EHMT1: variants seen among roughly 807,000 people sequenced by gnomAD.
EHMT1 encodes the protein euchromatic histone lysine methyltransferase 1.
In EHMT1, 15 loss-of-function variants were observed where a neutral mutation model predicts 147.2. The ratio of observed to expected loss-of-function variants is 0.10; its 90% CI spans 0.07 to 0.16. The LOEUF (loss-of-function observed/expected upper bound fraction) is 0.16, where lower values mean the gene tolerates loss of function less well. Ranked by LOEUF, EHMT1 falls within the 10% of genes least tolerant of loss-of-function variation. The pLI is 1.00. For missense variants in EHMT1, 1,587 were observed against 1,772.4 expected (o/e 0.90, Z 1.88); for synonymous variants, 795 against 709.6 (o/e 1.12, Z -1.91).
chr9:137,721,188 C>A (rs1945943429), intron 3 of EHMT1, among the ~76,000 whole-genome samples: 1 of 142,802 alleles, frequency 7.0e-6, no homozygotes, highest in Non-Finnish European at 1.5e-5. Flanking sequence ...CCCTCCCAGA[C>A]TTCTCACACT....
At chr9:137,723,428 G>A (rs1946279888) in intron 3 of EHMT1, among the ~76,000 whole-genome samples, 2 of 139,972 alleles carry the variant, frequency 1.4e-5, no homozygotes, top group African/African-American at 2.7e-5. Flanking sequence ...GTGGTTCTGG[G>A]CCTGAGCCCG....
intron 1 of EHMT1, among the ~76,000 whole-genome samples, chr9:137,701,509 A>G (rs1394922530): frequency 1.3e-5 from 2 of 151,738 alleles, no homozygotes; most frequent in Non-Finnish European, 2.9e-5. Flanking sequence ...CCCAGGCTGG[A>G]GTGCAATGGT....
At chr9:137,800,640 GC>G (rs1953397884) in intron 17 of EHMT1, 2 of 568,642 alleles carry the variant, frequency 3.5e-6, no homozygotes, top group Non-Finnish European at 3.2e-6. Context: ...GGCATGTCGG[GC>G]AGGGTTGTTG....
intron 6 of EHMT1, chr9:137,745,852 G>A (rs888552218): frequency 2.9e-5 from 8 of 275,450 alleles, no homozygotes; most frequent in Non-Finnish European, 5.4e-5. Flanking sequence ...GACCTGAGGG[G>A]TGTGGTTTCC....
chr9:137,698,186 T>TG (rs201361777), intron 1 of EHMT1, among the ~76,000 whole-genome samples: 1,542 of 152,362 alleles, frequency 0.01, 24 homozygotes, highest in South Asian at 0.05. Flanking sequence ...ACTGGTTTGT[T>TG]GACAAAACGT....
intron 22 of EHMT1, chr9:137,815,641 C>T (rs62590782): frequency 4.0e-4 from 171 of 428,530 alleles, no homozygotes; most frequent in Non-Finnish European, 6.5e-4. Context: ...CTGGCAGCCT[C>T]GGTGAGGCTG....
At chr9:137,705,256 ATGC>A in intron 1 of EHMT1, among the ~76,000 whole-genome samples, 1 of 152,102 alleles carries the variant, frequency 6.6e-6, no homozygotes, top group East Asian at 1.9e-4. Flanking sequence ...ACCTCTCAAA[ATGC>A]TGGGATCACA....
intron 1 of EHMT1, among the ~76,000 whole-genome samples, chr9:137,629,539 G>A (rs925218843): frequency 2.6e-5 from 4 of 151,906 alleles, no homozygotes; most frequent in South Asian, 2.1e-4. Context: ...GACTACAGGC[G>A]CCCACCACCA....
rs1954699827 is a variant in EHMT1 at position 137,813,928 on chromosome 9, A to G, written c.3180+398A>G. Among the ~76,000 whole-genome samples, 1 of 152,004 alleles carries G rather than the reference A, an allele frequency of 6.6e-6. No homozygotes were observed. Among genetic ancestry groups the G allele is most frequent in the African/African-American group, 2.4e-5 (1 of 41,384 alleles). On this transcript the variant is annotated intron_variant, in intron 21 of 26. Coordinates refer to ENST00000460843, the MANE Select transcript of EHMT1 (RefSeq NM_024757.5). This position sits in a 1 kb window ranked among gnomAD's most constrained non-coding sequence, Gnocchi z 4.9. ...GCCCCCGGAGAGATGGGTCCAGCAC[A>G]TGCCAGCTTTCCCAGCCTCCGAGTG...
At chr9:137,827,956 C>G (rs1047159978) in intron 25 of EHMT1, among the ~76,000 whole-genome samples, 2 of 152,218 alleles carry the variant, frequency 1.3e-5, no homozygotes, top group Non-Finnish European at 2.9e-5. Flanking sequence ...GGATCTGAAG[C>G]CTCTGAACCG....
At chr9:137,675,806 C>T (rs561240702) in intron 1 of EHMT1, among the ~76,000 whole-genome samples, 2 of 81,974 alleles carry the variant, frequency 2.4e-5, no homozygotes, top group Admixed American at 1.5e-4. Flanking sequence ...TTTTTTTAGA[C>T]GGAGTCTCGC....
chr9:137,750,919 C>A (rs1409133831), intron 6 of EHMT1, among the ~76,000 whole-genome samples: 2 of 152,166 alleles, frequency 1.3e-5, no homozygotes, highest in Non-Finnish European at 2.9e-5. Context: ...TATGGTTGGG[C>A]CAGTTGACTA....
intron 1 of EHMT1, chr9:137,651,120 C>T (rs62590245): frequency 0.027 from 4,036 of 152,256 alleles, 69 homozygotes; most frequent in Middle Eastern, 0.071. Flanking sequence ...AACTGGAACC[C>T]TCCCAAAGTG....
intron 18 of EHMT1, among the ~76,000 whole-genome samples, chr9:137,809,922 C>G (rs112751993): frequency 0.012 from 1,280 of 102,542 alleles, 13 homozygotes; most frequent in African/African-American, 0.09. Context: ...TGTGGACCGT[C>G]GGTGATGGGT....
chr9:137,693,078 G>C (rs1009893154), intron 1 of EHMT1, among the ~76,000 whole-genome samples: 4 of 152,110 alleles, frequency 2.6e-5, no homozygotes, highest in African/African-American at 9.7e-5. Flanking sequence ...AGACTTTTTA[G>C]AAAGGAAAAG....
At position 137,787,646 on chromosome 9, in the gene EHMT1, G is replaced by C; in HGVS notation, c.2383-3202G>C. ...CTGGGGGTGGAAGCGGGAGGGAGGAGGGGCCTGTCTTAAGAGCCTCACAGG... is the reference window on the plus strand; with the variant it reads ...CTGGGGGTGGAAGCGGGAGGGAGGACGGGCCTGTCTTAAGAGCCTCACAGG... On this transcript the variant is annotated intron_variant, in intron 15 of 26. Transcript: ENST00000460843. This position sits in a 1 kb window ranked among gnomAD's most constrained non-coding sequence, Gnocchi z 4.2. 1 of 566,920 alleles carries C rather than the reference G, an allele frequency of 1.8e-6. No individual in the cohort carries two copies. The highest frequency in any genetic ancestry group is 3.2e-6 in the Non-Finnish European group (1 of 317,092). The allele number at this position is 566,920 out of a possible 1,614,324, so 35.1% of individuals were successfully genotyped here. A position where few individuals can be genotyped will look rare whatever the true frequency, so the allele number is the denominator to read the frequency against.
At chr9:137,739,353 C>CT (rs1317085207) in intron 4 of EHMT1, among the ~76,000 whole-genome samples, 7 of 137,386 alleles carry the variant, frequency 5.1e-5, no homozygotes, top group Non-Finnish European at 1.1e-4. Flanking sequence ...CAGACTCAGT[C>CT]TCAAAAAAAA....
At chr9:137,802,886 G>A in intron 18 of EHMT1, 1 of 1,232,284 alleles carries the variant, frequency 8.1e-7, no homozygotes, top group Non-Finnish European at 1.0e-6. Flanking sequence ...GAGGAGCCCT[G>A]AGCCGGCAGA....
chr9:137,643,639 C>T (rs147264878), intron 1 of EHMT1, among the ~76,000 whole-genome samples: 2,963 of 151,972 alleles, frequency 0.019, 112 homozygotes, highest in African/African-American at 0.066. Context: ...TGAGCCACCG[C>T]GCCCGGCCGT....
Sources: allele counts gnomAD v4.1 joint callset (sites outside exome capture counted in the v4.1 genomes callset), GRCh38; gene constraint gnomAD v4.1.1; non-coding constraint Gnocchi (gnomAD v3.1); transcripts MANE v1.5; gene names NCBI Gene and HGNC (gene_info 2026-07-23, HGNC 2026-07-21).